MAGI2: variants seen among roughly 807,000 people sequenced by gnomAD.
The protein encoded by MAGI2 is membrane-associated guanylate kinase, WW and PDZ domain-containing protein 2.
MAGI2 carries 35 observed loss-of-function variants against 133.3 expected under a neutral mutation model. The ratio of observed to expected loss-of-function variants is 0.26; its 90% CI spans 0.20 to 0.35. The LOEUF is 0.35. Among genes scored for constraint, MAGI2 ranks in the 10% least tolerant of loss-of-function variants. The probability of loss-of-function intolerance (pLI) is 1.00; values close to 1 mark genes in which losing one functional copy is unlikely to be tolerated. For missense variants in MAGI2, 1,636 were observed against 1,863.4 expected (o/e 0.88, Z 2.25); for synonymous variants, 729 against 710.6 (o/e 1.03, Z -0.41).
At chr7:78,639,980 G>A (rs1337427436) in intron 2 of MAGI2, among the ~76,000 whole-genome samples, 1 of 152,176 alleles carries the variant, frequency 6.6e-6, no homozygotes, top group Non-Finnish European at 1.5e-5. Flanking sequence ...GGGTGCAGGA[G>A]GCAGACAGAA....
At chr7:78,183,232 G>A (rs545615573) in intron 13 of MAGI2, among the ~76,000 whole-genome samples, 7 of 151,732 alleles carry the variant, frequency 4.6e-5, no homozygotes, top group Middle Eastern at 3.4e-3. Context: ...AAAACATGGG[G>A]CATCTACTTA....
intron 4 of MAGI2, among the ~76,000 whole-genome samples, chr7:78,512,458 T>C (rs566433455): frequency 1.3e-5 from 2 of 152,216 alleles, no homozygotes; most frequent in South Asian, 4.1e-4. Context: ...CAGGCTGGAG[T>C]GTAGTGGTGC....
chr7:79,396,479 T>G (rs942567224), intron 1 of MAGI2, among the ~76,000 whole-genome samples: 8 of 152,190 alleles, frequency 5.3e-5, no homozygotes, highest in Admixed American at 5.2e-4. Flanking sequence ...ACTTTTTTCT[T>G]GAGTTCACTT....
chr7:79,291,910 A>G (rs746516405), intron 1 of MAGI2, among the ~76,000 whole-genome samples: 38 of 152,006 alleles, frequency 2.5e-4, no homozygotes, highest in Non-Finnish European at 5.0e-4. Flanking sequence ...ATTTTTTTTA[A>G]TTTGATGAAG....
intron 3 of MAGI2, among the ~76,000 whole-genome samples, chr7:78,596,815 C>T (rs937648070): frequency 1.3e-5 from 2 of 152,148 alleles, no homozygotes; most frequent in African/African-American, 4.8e-5. Context: ...CTCATCTTGA[C>T]CCAGTGTCCA....
chr7:79,175,688 A>G (rs983914288), intron 1 of MAGI2, among the ~76,000 whole-genome samples: 3 of 152,066 alleles, frequency 2.0e-5, no homozygotes, highest in African/African-American at 7.3e-5. Flanking sequence ...AGGATAGCCT[A>G]TTGCTCCTAA....
At chr7:78,790,006 C>T (rs1016244697) in intron 2 of MAGI2, among the ~76,000 whole-genome samples, 9 of 151,944 alleles carry the variant, frequency 5.9e-5, no homozygotes, top group Admixed American at 3.3e-4. Flanking sequence ...TCTGTTTACA[C>T]CTAGATAAAG....
At position 78,032,031 on chromosome 7, in the gene MAGI2, T is replaced by TAC. The variant is rs1554411586; in HGVS notation, c.3707-12057_3707-12056dup. On this transcript the variant is annotated intron_variant, in intron 21 of 21. Coordinates refer to ENST00000354212, the MANE Select transcript of MAGI2 (RefSeq NM_012301.4). ...CCACTTTTTTTTTTTTTTTTTTTTTTACAATTCCGGCTGTTTAAAAAGAAA... is the reference window on the plus strand; with the variant it reads ...CCACTTTTTTTTTTTTTTTTTTTTTTACACAATTCCGGCTGTTTAAAAAGAAA... Among the ~76,000 whole-genome samples, 356 of 134,312 alleles carry TAC rather than the reference T, an allele frequency of 2.7e-3. 1 individual carries two copies. Among genetic ancestry groups the TAC allele is most frequent in the Non-Finnish European group, 4.5e-3 (275 of 60,616 alleles). The allele number at this position is 134,312 out of a possible 152,430, so 88.1% of individuals were successfully genotyped here. A position where few individuals can be genotyped will look rare whatever the true frequency, so the allele number is the denominator to read the frequency against.
intron 2 of MAGI2, among the ~76,000 whole-genome samples, chr7:78,651,553 C>T (rs961392507): frequency 1.3e-5 from 2 of 151,760 alleles, no homozygotes; most frequent in South Asian, 2.1e-4. Flanking sequence ...TATTAGAAAC[C>T]CTCCCAGAAA....
chr7:78,670,052 G>C (rs2151069344), intron 2 of MAGI2, among the ~76,000 whole-genome samples: 1 of 151,642 alleles, frequency 6.6e-6, no homozygotes, highest in East Asian at 1.9e-4. Flanking sequence ...ATTCAACATA[G>C]TGTTGGAAGT....
intron 12 of MAGI2, among the ~76,000 whole-genome samples, chr7:78,192,253 A>G (rs1284333950): frequency 6.6e-6 from 1 of 152,210 alleles, no homozygotes; most frequent in African/African-American, 2.4e-5. Context: ...AGACACAAGA[A>G]TAAATAGAGC....
At chr7:78,971,781 C>T (rs1361707792) in intron 2 of MAGI2, among the ~76,000 whole-genome samples, 3 of 151,702 alleles carry the variant, frequency 2.0e-5, no homozygotes, top group Non-Finnish European at 2.9e-5. Context: ...TAATCTGTCT[C>T]AATTTCTCAC....
intron 21 of MAGI2, chr7:78,039,512 G>C (rs140496813): frequency 6.6e-6 from 1 of 152,012 alleles, no homozygotes; most frequent in East Asian, 1.9e-4. Flanking sequence ...CAATGAAAAA[G>C]TCTTGTTCTT....
intron 2 of MAGI2, among the ~76,000 whole-genome samples, chr7:78,829,013 G>A (rs1477137191): frequency 1.3e-5 from 2 of 152,032 alleles, no homozygotes; most frequent in African/African-American, 4.8e-5. Flanking sequence ...AATTCAAAGG[G>A]CAACTGCATA....
intron 2 of MAGI2, among the ~76,000 whole-genome samples, chr7:78,706,576 G>A (rs1349543856): frequency 1.3e-5 from 2 of 152,084 alleles, no homozygotes; most frequent in South Asian, 4.1e-4. Flanking sequence ...TATCTATACT[G>A]AATAAATAAC....
At chr7:78,621,593 T>G (rs1807745415) in intron 3 of MAGI2, among the ~76,000 whole-genome samples, 1 of 151,844 alleles carries the variant, frequency 6.6e-6, no homozygotes, top group South Asian at 2.1e-4. Flanking sequence ...CCATTCAGAA[T>G]TGGGGGGTGG....
chr7:78,710,166 T>G (rs1318125237), intron 2 of MAGI2, among the ~76,000 whole-genome samples: 1 of 152,192 alleles, frequency 6.6e-6, no homozygotes, highest in African/African-American at 2.4e-5. Context: ...ATTACATTAT[T>G]TAATCCTTAT....
chr7:78,824,347 G>A (rs528070717), intron 2 of MAGI2, among the ~76,000 whole-genome samples: 1 of 152,242 alleles, frequency 6.6e-6, no homozygotes, highest in South Asian at 2.1e-4. Flanking sequence ...TTGAGGAATC[G>A]CCACACTGTC....
chr7:78,729,372 A>T (rs1821147842), intron 2 of MAGI2, among the ~76,000 whole-genome samples: 1 of 152,216 alleles, frequency 6.6e-6, no homozygotes, highest in Non-Finnish European at 1.5e-5. Flanking sequence ...AACAGAAGAC[A>T]TTCATCTATC....
Sources: allele counts gnomAD v4.1 joint callset (sites outside exome capture counted in the v4.1 genomes callset), GRCh38; gene constraint gnomAD v4.1.1; transcripts MANE v1.5; gene names NCBI Gene and HGNC (gene_info 2026-07-23, HGNC 2026-07-21).